The following NBR1 variants were observed in gnomAD, a reference collection of about 807,000 sequenced individuals.
The protein encoded by NBR1 is next to BRCA1 gene 1 protein.
In NBR1, 59 loss-of-function variants were observed where a neutral mutation model predicts 115.5. The observed-to-expected ratio is 0.51, with a 90% confidence interval of 0.41 to 0.63. The LOEUF is 0.63. Among genes scored for constraint, NBR1 ranks in the 30% least tolerant of loss-of-function variants. The pLI, the probability that NBR1 is intolerant of heterozygous loss-of-function variation, is 0.00. For synonymous variants in NBR1, 373 were observed against 414.7 expected (o/e 0.90, Z 1.22); for missense variants, 1,043 against 1,150.5 (o/e 0.91, Z 1.35).
At chr17:43,182,163 T>C (rs1270377513) in intron 5 of NBR1, among the ~76,000 whole-genome samples, 1 of 150,102 alleles carries the variant, frequency 6.7e-6, no homozygotes, top group Non-Finnish European at 1.5e-5. Context: ...TCTAGAACTA[T>C]GTTTACTGGT....
intron 12 of NBR1, 42 bp downstream of exon 12, chr17:43,193,680 TA>T (rs1435439222): frequency 6.4e-7 from 1 of 1,554,304 alleles, no homozygotes; most frequent in Admixed American, 2.0e-5. Flanking sequence ...ATCCAAATCT[TA>T]GTTAGAGAGG....
At chr17:43,175,755 T>C (rs774161275) in intron 1 of NBR1, 36 bp from the exon 2 acceptor site, 177 of 1,026,542 alleles carry the variant, frequency 1.7e-4, no homozygotes, top group Non-Finnish European at 2.3e-4. Context: ...TTCTAATGTG[T>C]TTTTCTCTCT....
chr17:43,182,502 T>A (rs1359115530), intron 5 of NBR1, among the ~76,000 whole-genome samples: 1 of 151,704 alleles, frequency 6.6e-6, no homozygotes, highest in African/African-American at 2.4e-5. Flanking sequence ...ATTACAGGCA[T>A]GAGCCACTGT....
chr17:43,173,590 T>C (rs531767534), intron 1 of NBR1, among the ~76,000 whole-genome samples: 19 of 152,312 alleles, frequency 1.2e-4, no homozygotes, highest in African/African-American at 4.3e-4. Context: ...TGGCCTTTAT[T>C]ATCATATTTT....
At chr17:43,202,063 C>T (rs2057211918) in intron 18 of NBR1, among the ~76,000 whole-genome samples, 1 of 151,662 alleles carries the variant, frequency 6.6e-6, no homozygotes. Context: ...ACCTGTAATC[C>T]CAGCTACTTG....
chr17:43,176,120 A>G lies in NBR1; in HGVS notation c.102+219A>G, dbSNP rs950276971. ...ATAAATTTCCTTTTGAACATTTTAG[A>G]AAGGGAAGGTAAAATTGTTTTTAGT... On this transcript the variant is annotated intron_variant, in intron 2 of 20. Transcript: ENST00000590996. The G allele has an allele frequency of 4.4e-5, 19 of 435,116 alleles. No homozygotes were observed. In the Middle Eastern group the frequency reaches 2.4e-3, roughly 55 times the overall value. 27.0% of individuals were successfully genotyped at this position (435,116 alleles called of 1,614,324 possible). A position where few individuals can be genotyped will look rare whatever the true frequency, so the allele number is the denominator to read the frequency against.
At chr17:43,179,051 A>G (rs908182574) in intron 3 of NBR1, among the ~76,000 whole-genome samples, 4 of 152,106 alleles carry the variant, frequency 2.6e-5, no homozygotes, top group Admixed American at 6.6e-5. Context: ...TATCATCACT[A>G]TTTTACTCAT....
chr17:43,177,830 G>A lies in NBR1; in HGVS notation c.103-106G>A, dbSNP rs11651623. ...GTTGCAGATATTAACCCTTTGTTAT[G>A]GGTTATTAAGGTTGTTTGTTGTTTG... is the stretch of plus-strand genomic sequence containing the variant. On this transcript the variant is annotated intron_variant, in intron 2 of 20. Coordinates refer to ENST00000590996, the MANE Select transcript of NBR1 (RefSeq NM_005899.5). 0.32 allele frequency: 313,977 copies of A among 978,438 alleles called. 52,796 individuals are homozygous for A. The highest frequency in any genetic ancestry group is 0.49 in the South Asian group (19,246 of 38,892). 60.6% of individuals were successfully genotyped at this position (978,438 alleles called of 1,614,324 possible).
At position 43,190,850 on chromosome 17, in the gene NBR1, A is replaced by G. The variant is rs374110409; in HGVS notation, c.863+74A>G. ...TCTGGTGACAGGGTATGAATCACAA[A>G]ACTACAGATAGTCTCCTTAGTTCTG... On this transcript the variant is annotated intron_variant, in intron 9 of 20. Coordinates refer to ENST00000590996, the MANE Select transcript of NBR1 (RefSeq NM_005899.5). 3.9e-5 allele frequency: 55 copies of G among 1,401,270 alleles called. No individual in the cohort carries two copies. In the African/African-American group the frequency reaches 6.5e-4, roughly 16 times the overall value. The allele number at this position is 1,401,270 out of a possible 1,614,324, so 86.8% of individuals were successfully genotyped here.
intron 17 of NBR1, among the ~76,000 whole-genome samples, chr17:43,200,867 GTTTT>G (rs556106085): frequency 8.1e-6 from 1 of 123,644 alleles, no homozygotes. Flanking sequence ...AGCTGGTTGT[GTTTT>G]TTTTTTTTTT....
In NBR1 at chr17:43,176,119, G is replaced by T. The variant is rs189903437; in HGVS notation, c.102+218G>T. 72 of 433,318 alleles carry T rather than the reference G, an allele frequency of 1.7e-4. No individual in the cohort carries two copies. The East Asian group carries it at 2.5e-3, about 15-fold the overall frequency. 26.8% of individuals were successfully genotyped at this position (433,318 alleles called of 1,614,324 possible). A position where few individuals can be genotyped will look rare whatever the true frequency, so the allele number is the denominator to read the frequency against. ...CATAAATTTCCTTTTGAACATTTTAGAAAGGGAAGGTAAAATTGTTTTTAG... is the reference window on the plus strand; with the variant it reads ...CATAAATTTCCTTTTGAACATTTTATAAAGGGAAGGTAAAATTGTTTTTAG... On this transcript the variant is annotated intron_variant, in intron 2 of 20. Coordinates refer to ENST00000590996, the MANE Select transcript of NBR1 (RefSeq NM_005899.5).
chr17:43,187,289 T>G (rs990567002), intron 6 of NBR1, among the ~76,000 whole-genome samples: 7 of 152,088 alleles, frequency 4.6e-5, no homozygotes, highest in Non-Finnish European at 8.8e-5. Flanking sequence ...AACACCATTC[T>G]CCTGCCTCAG....
chr17:43,203,688 C>T lies in NBR1; in HGVS notation c.2629C>T (p.His877Tyr), dbSNP rs1458382990. ...QKSYDHSRHH[H>Y]GSSIAGGLVK... is the part of the protein sequence containing the mutation. ...TTTGGTTTTCCTCTGCAGGCACCAT[C>T]ATGGGAGCAGCATTGCTGGAGGACT... Residue 877 changes from histidine (H) to tyrosine (Y), a missense_variant, in exon 20 of 21, where the codon CAT becomes TAT. Physicochemically the swap from His to Tyr is moderately conservative, Grantham distance 83. Transcript: ENST00000590996. 1.2e-6 allele frequency: 2 copies of T among 1,607,132 alleles called. No homozygotes were observed. The highest frequency in any genetic ancestry group is 1.7e-5 in the Admixed American group (1 of 59,308).
chr17:43,193,432 G>A lies in NBR1; in HGVS notation c.1318G>A (p.Gly440Arg). ...TCCCTGCCTCAAGGCCGGCCATGTG[G>A]GAGTTGTATCTGTGGAGTTCATTGC... ...LVPCLKAGHV[G>R]VVSVEFIAPA... Residue 440 changes from glycine (G) to arginine (R), a missense_variant, in exon 12 of 21, where the codon GGA becomes AGA. Gly to Arg is a moderately radical substitution (Grantham distance 125). Coordinates refer to ENST00000590996, the MANE Select transcript of NBR1 (RefSeq NM_005899.5). 1 of 1,613,976 alleles carries A rather than the reference G, an allele frequency of 6.2e-7. No homozygotes were observed. Among genetic ancestry groups the A allele is most frequent in the Non-Finnish European group, 8.5e-7 (1 of 1,179,896 alleles).
In NBR1 at chr17:43,210,474, G is replaced by A. The variant is rs192550140; in HGVS notation, c.*400G>A. On this transcript the variant is annotated 3_prime_UTR_variant, in exon 21 of 21. Coordinates refer to ENST00000590996, the MANE Select transcript of NBR1 (RefSeq NM_005899.5). ...GTTTTGAAAGACATTAACCTCGGAAGTTGTTTTTAAGAATTATTCTCATAA... is the reference window on the plus strand; with the variant it reads ...GTTTTGAAAGACATTAACCTCGGAAATTGTTTTTAAGAATTATTCTCATAA... 423 of 397,314 alleles carry A rather than the reference G, an allele frequency of 1.1e-3. 3 individuals are homozygous for A. The highest frequency in any genetic ancestry group is 7.6e-3 in the African/African-American group (370 of 48,708). The allele number at this position is 397,314 out of a possible 1,614,324, so 24.6% of individuals were successfully genotyped here.
chr17:43,193,759 C>T (rs1225135131), intron 12 of NBR1, 121 bp downstream of exon 12: 12 of 1,043,720 alleles, frequency 1.1e-5, no homozygotes, highest in Non-Finnish European at 1.5e-5. Flanking sequence ...AGGTTAGCAT[C>T]TCCCCCCGCC....
At chr17:43,191,249 A>G in intron 9 of NBR1, 123 bp from the exon 10 acceptor site, 2 of 708,340 alleles carry the variant, frequency 2.8e-6, no homozygotes, top group Non-Finnish European at 2.4e-6. Context: ...GTGAGACCCT[A>G]ATTCTAAAAC....
chr17:43,178,724 C>G (rs2056590148), intron 3 of NBR1, among the ~76,000 whole-genome samples: 1 of 150,754 alleles, frequency 6.6e-6, no homozygotes, highest in Non-Finnish European at 1.5e-5. Context: ...ACATATAGCA[C>G]AAGCTACCAC....
chr17:43,193,304 G>A, intron 11 of NBR1, 44 bp from the exon 12 acceptor site: 1 of 1,612,772 alleles, frequency 6.2e-7, no homozygotes, highest in Non-Finnish European at 8.5e-7. Flanking sequence ...GTGGCAGAGT[G>A]CTCAGCTGAC....
Sources: gnomAD v4.1 joint callset for allele counts (sites outside exome capture counted in the v4.1 genomes callset) on GRCh38, gnomAD v4.1.1 for gene constraint, MANE v1.5 for transcripts, NCBI Gene and HGNC (gene_info 2026-07-23, HGNC 2026-07-21) for gene names.